Variants in NCLN observed in about 807,000 individuals in gnomAD.
NCLN encodes the protein nicalin.
Under a neutral mutation model 69.5 loss-of-function variants are expected in NCLN, and 34 were observed. That is an observed-to-expected ratio of 0.49 (90% confidence interval 0.37 to 0.65). The LOEUF is 0.65. Among genes scored for constraint, NCLN ranks in the 30% least tolerant of loss-of-function variants. The pLI, the probability that NCLN is intolerant of heterozygous loss-of-function variation, is 0.00. For missense variants in NCLN, 710 were observed against 804.8 expected, an observed-to-expected ratio of 0.88 and a Z score of 1.42; for synonymous variants, 393 against 358.3, an observed-to-expected ratio of 1.10 and a Z score of -1.09.
intron 6 of NCLN, among the ~76,000 whole-genome samples, chr19:3,202,107 C>A (rs988805480): frequency 1.2e-4 from 18 of 152,122 alleles, no homozygotes; most frequent in African/African-American, 4.3e-4. Context: ...GGTTGAGACC[C>A]CCCTGGGTTA....
intron 3 of NCLN, 84 bp downstream of exon 3, chr19:3,193,512 C>A (rs1915884804): frequency 1.1e-5 from 16 of 1,425,758 alleles, no homozygotes; most frequent in Non-Finnish European, 1.0e-5. Flanking sequence ...TCACCCTGGG[C>A]TGTTTCTGCT....
intron 1 of NCLN, 80 bp from the exon 2 acceptor site, chr19:3,192,390 T>C (rs1036560552): frequency 3.5e-5 from 43 of 1,212,988 alleles, no homozygotes; most frequent in Admixed American, 1.2e-4. Flanking sequence ...GGCTGCTGAG[T>C]GGGTCCCTGG....
Position 3,206,445 on chromosome 19 carries a change from C to A in NCLN, c.1499+20C>A. On this transcript the variant is annotated intron_variant, in intron 12 of 14. Transcript: ENST00000246117. Reference sequence around the variant, plus strand: ...CAAGCGGTGAGGCTGGGGCTCCGCGCTGGCCCCGTTCAGCCTGGGGCCGAG... The same window carrying A: ...CAAGCGGTGAGGCTGGGGCTCCGCGATGGCCCCGTTCAGCCTGGGGCCGAG... The A allele has an allele frequency of 1.3e-6, 2 of 1,540,570 alleles. No individual in the cohort carries two copies. The highest frequency in any genetic ancestry group is 2.4e-5 in the South Asian group (2 of 83,156).
intron 1 of NCLN, among the ~76,000 whole-genome samples, chr19:3,190,960 G>A (rs1461315065): frequency 1.3e-5 from 2 of 152,144 alleles, no homozygotes; most frequent in Non-Finnish European, 2.9e-5. Flanking sequence ...TAGAGGGGCC[G>A]GTGCTCTCCA....
intron 6 of NCLN, among the ~76,000 whole-genome samples, chr19:3,203,434 G>A (rs1916176419): frequency 1.3e-5 from 2 of 152,334 alleles, no homozygotes; most frequent in East Asian, 3.9e-4. Flanking sequence ...TCTAGAGCTG[G>A]GGTCTAACGT....
At chr19:3,204,896 C>T (rs1384669325) in intron 9 of NCLN, 145 bp downstream of exon 9, 4 of 911,880 alleles carry the variant, frequency 4.4e-6, no homozygotes, top group African/African-American at 1.7e-5. Flanking sequence ...TGGCCAAGGC[C>T]GGCTGCACGG....
chr19:3,188,154 A>G (rs948130755), intron 1 of NCLN, among the ~76,000 whole-genome samples: 6 of 151,966 alleles, frequency 3.9e-5, no homozygotes, highest in Admixed American at 6.5e-5. Flanking sequence ...CACTCTTGGC[A>G]TCTCCTGCCT....
At chr19:3,188,980 A>G (rs766437556) in intron 1 of NCLN, among the ~76,000 whole-genome samples, 3 of 152,058 alleles carry the variant, frequency 2.0e-5, no homozygotes, top group Non-Finnish European at 4.4e-5. Flanking sequence ...CTCCACCACC[A>G]TCTTCCCGGT....
At chr19:3,206,957 GA>G (rs1453710986) in intron 12 of NCLN, among the ~76,000 whole-genome samples, 2 of 152,090 alleles carry the variant, frequency 1.3e-5, no homozygotes, top group Non-Finnish European at 2.9e-5. Context: ...GAGTAGCTGG[GA>G]TTACAGGCAC....
intron 3 of NCLN, among the ~76,000 whole-genome samples, chr19:3,195,088 C>T (rs924435490): frequency 2.6e-5 from 4 of 151,214 alleles, no homozygotes; most frequent in African/African-American, 7.3e-5. Flanking sequence ...GTGGGAAGAT[C>T]ACTTGAACCC....
Position 3,203,757 on chromosome 19 carries a change from T to A in NCLN, c.802T>A (p.Tyr268Asn). ...LYTYKRTHAA[Y>N]NLLFFASGGG... ...CTAACACTGGGTCTTCCCTCCCAGCTACAACCTCCTGTTCTTTGCGTCTGG... is the reference window on the plus strand; with the variant it reads ...CTAACACTGGGTCTTCCCTCCCAGCAACAACCTCCTGTTCTTTGCGTCTGG... Residue 268 changes from tyrosine (Y) to asparagine (N), a missense_variant and splice_region_variant, in exon 7 of 15, where the codon TAC (tyrosine) becomes AAC (asparagine). Physicochemically the swap from Tyr to Asn is moderately radical, Grantham distance 143. Coordinates refer to ENST00000246117, the MANE Select transcript of NCLN (RefSeq NM_020170.4). 6.2e-7 allele frequency: 1 copy of A among 1,611,152 alleles called. No homozygotes were observed. The highest frequency in any genetic ancestry group is 8.5e-7 in the Non-Finnish European group (1 of 1,178,946).
intron 8 of NCLN, 63 bp downstream of exon 8, chr19:3,204,207 G>A: frequency 3.4e-6 from 5 of 1,464,668 alleles, no homozygotes; most frequent in Non-Finnish European, 4.5e-6. Flanking sequence ...GGGCCGGGTT[G>A]GGGCATCCTG....
chr19:3,195,752 C>T (rs1416369047), intron 3 of NCLN, among the ~76,000 whole-genome samples: 2 of 151,982 alleles, frequency 1.3e-5, no homozygotes, highest in Non-Finnish European at 2.9e-5. Flanking sequence ...GTTTGCGTCA[C>T]TGTACTCCAG....
Position 3,205,695 on chromosome 19 carries a change from C to T in NCLN, c.1209-244C>T. On this transcript the variant is annotated intron_variant, in intron 9 of 14. Coordinates refer to ENST00000246117, the MANE Select transcript of NCLN (RefSeq NM_020170.4). The surrounding 1 kb of genome is among the most constrained non-coding windows in gnomAD (Gnocchi z 4.6). ...AAAACCGAGTCAGAAGGAACCAAGG[C>T]CTCAGGGCGTGAGCCTTACCTGCGC... The T allele has an allele frequency of 1.9e-6, 1 of 516,684 alleles. No homozygotes were observed. Among genetic ancestry groups the T allele is most frequent in the South Asian group, 2.4e-5 (1 of 42,140 alleles). 32.0% of individuals were successfully genotyped at this position (516,684 alleles called of 1,614,324 possible). A position where few individuals can be genotyped will look rare whatever the true frequency, so the allele number is the denominator to read the frequency against.
At chr19:3,198,180 C>T (rs370073320) in intron 4 of NCLN, among the ~76,000 whole-genome samples, 1 of 152,106 alleles carries the variant, frequency 6.6e-6, no homozygotes, top group Admixed American at 6.5e-5. Flanking sequence ...AAACAGTTAT[C>T]CTCCTGAGGG....
At position 3,206,200 on chromosome 19, in the gene NCLN, C is replaced by G; in HGVS notation, c.1335+10C>G. The G allele has an allele frequency of 7.7e-7, 1 of 1,306,676 alleles. No individual in the cohort carries two copies. The highest frequency in any genetic ancestry group is 1.0e-6 in the Non-Finnish European group (1 of 970,916). 80.9% of individuals were successfully genotyped at this position (1,306,676 alleles called of 1,614,324 possible). On this transcript the variant is annotated intron_variant, in intron 11 of 14. Transcript: ENST00000246117. ...GTTCACAGAGCAGATGGTAAGGGGGCCAGGCCAGTGGGTGGGTGGGTGGGC... is the reference window on the plus strand; with the variant it reads ...GTTCACAGAGCAGATGGTAAGGGGGGCAGGCCAGTGGGTGGGTGGGTGGGC...
intron 1 of NCLN, among the ~76,000 whole-genome samples, chr19:3,190,547 C>T (rs1222089045): frequency 5.9e-5 from 9 of 152,210 alleles, no homozygotes; most frequent in African/African-American, 2.2e-4. Context: ...TGGCCCCAAG[C>T]CCGAGGCTCA....
Position 3,204,601 on chromosome 19 carries a change from G to A in NCLN, c.1058G>A (p.Arg353Gln), listed in dbSNP as rs774965633. 4.5e-6 allele frequency: 7 copies of A among 1,571,606 alleles called. No homozygotes were observed. Among genetic ancestry groups the A allele is most frequent in the South Asian group, 3.5e-5 (3 of 86,396 alleles). The change falls in exon 9 of 15, where the codon CGG (arginine) becomes CAG (glutamine). Residue 353 changes from arginine to glutamine, a missense_variant. Coordinates refer to ENST00000246117, the MANE Select transcript of NCLN (RefSeq NM_020170.4). The stretch of plus-strand genomic sequence containing the variant: ...GCCGCGCACCAGTTCCCTGAGGTAC[G>A]GTTCTCCATGGTGCACAAGCGGATC... The part of the protein sequence containing the change: ...TVAAHQFPEV[R>Q]FSMVHKRINL...
intron 5 of NCLN, 33 bp downstream of exon 5, chr19:3,198,930 A>G: frequency 7.2e-7 from 1 of 1,392,200 alleles, no homozygotes; most frequent in African/African-American, 1.5e-5. Flanking sequence ...CCCCCACCCC[A>G]CAGGGCTTGG....
Sources: allele counts gnomAD v4.1 joint callset (sites outside exome capture counted in the v4.1 genomes callset), GRCh38; gene constraint gnomAD v4.1.1; non-coding constraint Gnocchi (gnomAD v3.1); transcripts MANE v1.5; gene names NCBI Gene and HGNC (gene_info 2026-07-23, HGNC 2026-07-21).